The following PLXNB3 variants were observed in gnomAD, a reference collection of about 807,000 sequenced individuals.
PLXNB3 encodes the protein plexin-B3.
Under a neutral mutation model 125.7 loss-of-function variants are expected in PLXNB3, and 80 were observed. The observed-to-expected ratio is 0.64, with a 90% CI of 0.53 to 0.77. PLXNB3 has a LOEUF of 0.77. Ranked by LOEUF, PLXNB3 falls within the 30% of genes least tolerant of loss-of-function variation. The pLI is 0.00. For synonymous variants in PLXNB3, 954 were observed against 783.3 expected, an observed-to-expected ratio of 1.22 and a Z score of -3.64; for missense variants, 1,836 against 1,729.3, an observed-to-expected ratio of 1.06 and a Z score of -1.09.
Position 153,765,588 on chromosome X carries a change from C to T in PLXNB3, c.45+8C>T, listed in dbSNP as rs1238112167. 2 of 1,188,049 alleles carry T rather than the reference C, an allele frequency of 1.7e-6. No homozygotes were observed. Among genetic ancestry groups the T allele is most frequent in the Non-Finnish European group, 2.3e-6 (2 of 883,640 alleles). On this transcript the variant is annotated splice_region_variant and intron_variant, in intron 2 of 35. Coordinates refer to ENST00000361971, the MANE Select transcript of PLXNB3 (RefSeq NM_005393.3). Reference sequence around the variant, plus strand: ...CTGCTGCACCACTTCATGGTAAGTGCCCAGGCCCGGTGTCCCCAGAAATGT... The same window carrying T: ...CTGCTGCACCACTTCATGGTAAGTGTCCAGGCCCGGTGTCCCCAGAAATGT...
chrX:153,766,594 G>A, intron 2 of PLXNB3: 4 of 1,051,819 alleles, frequency 3.8e-6, no homozygotes, highest in Non-Finnish European at 4.8e-6. Flanking sequence ...AGTAGGAGAT[G>A]AAAGAATTCT....
At chrX:153,765,223 G>C (rs1557058734) in intron 1 of PLXNB3, among the ~76,000 whole-genome samples, 2 of 113,144 alleles carry the variant, frequency 1.8e-5, no homozygotes, top group African/African-American at 6.4e-5. Context: ...GAAGTGGCAA[G>C]GAGCCCCCTG....
chrX:153,765,909 G>A (rs2091852228), intron 2 of PLXNB3: 4 of 754,189 alleles, frequency 5.3e-6, no homozygotes, highest in South Asian at 6.7e-5. Context: ...TCTCACCCTC[G>A]GGGGCTCACC....
At chrX:153,771,739 C>G (rs1557061977) in intron 14 of PLXNB3, 84 bp downstream of exon 14, 1 of 1,124,189 alleles carries the variant, frequency 8.9e-7, no homozygotes, top group Non-Finnish European at 1.2e-6. Context: ...CAGACCAGCC[C>G]TGCCCCAGGC....
At chrX:153,770,316 TG>T (rs1557061207) in intron 8 of PLXNB3, 21 bp from the exon 9 acceptor site, 1 of 1,202,431 alleles carries the variant, frequency 8.3e-7, no homozygotes, top group Non-Finnish European at 1.1e-6. Context: ...TGACCTGTCC[TG>T]CCCCCACTGT....
chrX:153,772,358 G>A, intron 16 of PLXNB3, 71 bp downstream of exon 16: 6 of 763,871 alleles, frequency 7.9e-6, no homozygotes, highest in Non-Finnish European at 1.2e-5. Flanking sequence ...CAGGCGCCTA[G>A]TAAGGATGTC....
chrX:153,773,567 C>T lies in PLXNB3; in HGVS notation c.3133C>T (p.Arg1045Trp), dbSNP rs782090833. 61 of 1,203,911 alleles carry T rather than the reference C, an allele frequency of 5.1e-5. No individual in the cohort carries two copies. The highest frequency in any genetic ancestry group is 2.8e-4 in the African/African-American group (16 of 57,483). ...GGGCACCGGCCTAGACGTGGTGCAG[C>T]GGCCCCTACTGTCTGTGTGGCTGGA... Reference protein sequence around the residue: ...VRGTGLDVVQRPLLSVWLEAD... With the variant: ...VRGTGLDVVQWPLLSVWLEAD... Residue 1045 changes from arginine to tryptophan, a missense_variant, in exon 19 of 36, where the codon CGG becomes TGG. Physicochemically the swap from Arg to Trp is moderately radical, Grantham distance 101. Transcript: ENST00000361971.
At chrX:153,768,884 C>T (rs1456934940) in intron 4 of PLXNB3, 64 bp from the exon 5 acceptor site, 23 of 1,152,189 alleles carry the variant, frequency 2.0e-5, no homozygotes, top group East Asian at 3.0e-5. Context: ...AGGAGGAGGG[C>T]GTGTCCCTGG....
At chrX:153,774,842 G>A (rs782709852) in intron 23 of PLXNB3, 36 bp downstream of exon 23, 1 of 1,209,185 alleles carries the variant, frequency 8.3e-7, no homozygotes, top group South Asian at 1.8e-5. Context: ...GTACCCACGA[G>A]GCCTGAACTC....
intron 26 of PLXNB3, 34 bp downstream of exon 26, chrX:153,775,694 G>T (rs376822277): frequency 8.5e-7 from 1 of 1,179,094 alleles, no homozygotes; most frequent in African/African-American, 1.7e-5. Flanking sequence ...TCCCAGCCCT[G>T]AGTGGCAGAC....
chrX:153,776,469 G>GGGAC lies in PLXNB3; in HGVS notation c.4833+13_4833+16dup, dbSNP rs1569542174. 4 of 963,309 alleles carry GGGAC rather than the reference G, an allele frequency of 4.2e-6. No homozygotes were observed. Among genetic ancestry groups the GGGAC allele is most frequent in the Non-Finnish European group, 5.8e-6 (4 of 695,128 alleles). 79.4% of individuals were successfully genotyped at this position (963,309 alleles called of 1,213,427 possible). A position where few individuals can be genotyped will look rare whatever the true frequency, so the allele number is the denominator to read the frequency against. On this transcript the variant is annotated intron_variant, in intron 28 of 35. Coordinates refer to ENST00000361971, the MANE Select transcript of PLXNB3 (RefSeq NM_005393.3). ...CTTGCAACACTACAAGGTGTGAGCAGGGACGGGGCGAGGCAGGGCGGGGCT... is the reference window on the plus strand; with the variant it reads ...CTTGCAACACTACAAGGTGTGAGCAGGGACGGACGGGGCGAGGCAGGGCGGGGCT...
chrX:153,766,207 C>T (rs2091855421), intron 2 of PLXNB3: 2 of 1,151,529 alleles, frequency 1.7e-6, no homozygotes, highest in Non-Finnish European at 1.2e-6. Context: ...AGCTGGGCGC[C>T]AGCATGGAGC....
In PLXNB3 at chrX:153,773,844, C is replaced by T. The variant is rs1557062909; in HGVS notation, c.3280-15C>T. The T allele has an allele frequency of 8.3e-7, 1 of 1,210,852 alleles. No individual in the cohort carries two copies. Among genetic ancestry groups the T allele is most frequent in the Admixed American group, 2.2e-5 (1 of 46,134 alleles). The stretch of plus-strand genomic sequence containing the variant: ...CAGCTCACTCCACCTGTGGTCGGCC[C>T]TGAATGCCCCACAGTGCTCCACCGT... On this transcript the variant is annotated splice_polypyrimidine_tract_variant and intron_variant, in intron 19 of 35. Coordinates refer to ENST00000361971, the MANE Select transcript of PLXNB3 (RefSeq NM_005393.3).
intron 24 of PLXNB3, 58 bp from the exon 25 acceptor site, chrX:153,775,167 G>C: frequency 8.7e-7 from 1 of 1,154,236 alleles, no homozygotes. Flanking sequence ...CTACTGGCCT[G>C]AGACAAAGGT....
chrX:153,775,861 G>A, intron 26 of PLXNB3, 26 bp from the exon 27 acceptor site: 1 of 1,191,060 alleles, frequency 8.4e-7, no homozygotes, highest in East Asian at 3.0e-5. Context: ...TCGCTTGGCT[G>A]ATGCCGGCTC....
rs782746089 is a variant in PLXNB3, at chrX:153,773,445, G to A, written c.3083+39G>A. 4 of 1,187,027 alleles carry A rather than the reference G, an allele frequency of 3.4e-6. No individual in the cohort carries two copies. The Admixed American group carries it at 9.0e-5, about 27-fold the overall frequency. On this transcript the variant is annotated intron_variant, in intron 18 of 35. Transcript: ENST00000361971. ...CGCAGGCCAGCCTGTGCACCACGCAGGAGGGAAGGTGGGATGCGGGCTGGG... is the reference window on the plus strand; with the variant it reads ...CGCAGGCCAGCCTGTGCACCACGCAAGAGGGAAGGTGGGATGCGGGCTGGG...
In PLXNB3 at chrX:153,767,702, C is replaced by T. The variant is rs1557059838; in HGVS notation, c.875C>T (p.Ala292Val). The T allele has an allele frequency of 8.5e-7, 1 of 1,182,370 alleles. No homozygotes were observed. Among genetic ancestry groups the T allele is most frequent in the Admixed American group, 2.3e-5 (1 of 42,738 alleles). The change falls in exon 3 of 36, where the codon GCC becomes GTC. Residue 292 changes from alanine (A) to valine (V), a missense_variant. Transcript: ENST00000361971. The stretch of plus-strand genomic sequence containing the variant: ...CAGGGCCAGGGCCTCATCCAGGCCG[C>T]CTTCCTTGCCCCGGGCACCTTGCTA... ...ACQGQGLIQA[A>V]FLAPGTLLGV...
chrX:153,773,494 C>A, intron 18 of PLXNB3, 24 bp from the exon 19 acceptor site: 1 of 1,185,889 alleles, frequency 8.4e-7, no homozygotes, highest in Non-Finnish European at 1.1e-6. Context: ...CGCCCGCCCA[C>A]ACCCGACTGC....
In PLXNB3 at chrX:153,770,654, C is replaced by G; in HGVS notation, c.2010+12C>G. 8.3e-7 allele frequency: 1 copy of G among 1,208,439 alleles called. No homozygotes were observed. Among genetic ancestry groups the G allele is most frequent in the Non-Finnish European group, 1.1e-6 (1 of 893,372 alleles). On this transcript the variant is annotated intron_variant, in intron 10 of 35. Transcript: ENST00000361971. Reference sequence around the variant, plus strand: ...ACAGCGCCCAGGAGGTGGGTGGGCCCGAACTTCGGGCAGAGACAGGGCTGT... The same window carrying G: ...ACAGCGCCCAGGAGGTGGGTGGGCCGGAACTTCGGGCAGAGACAGGGCTGT...
Sources: allele counts gnomAD v4.1 joint callset (sites outside exome capture counted in the v4.1 genomes callset), GRCh38; gene constraint gnomAD v4.1.1; transcripts MANE v1.5; gene names NCBI Gene and HGNC (gene_info 2026-07-23, HGNC 2026-07-21).